The following MYLK variants were observed in gnomAD, a reference collection of about 807,000 sequenced individuals.
MYLK encodes myosin light chain kinase, smooth muscle.
MYLK carries 106 observed loss-of-function variants against 203.4 expected under a neutral mutation model. The observed-to-expected ratio is 0.52, with a 90% CI of 0.45 to 0.61. The LOEUF (loss-of-function observed/expected upper bound fraction) is 0.61, where lower values mean the gene tolerates loss of function less well. Ranked by LOEUF, MYLK falls within the 20% of genes least tolerant of loss-of-function variation. MYLK has a pLI of 0.00. For missense variants in MYLK, 2,072 were observed against 2,442.3 expected (o/e 0.85, Z 3.20); for synonymous variants, 867 against 959.5 (o/e 0.90, Z 1.78).
chr3:123,615,242 A>C (rs539238839), intron 33 of MYLK, among the ~76,000 whole-genome samples: 1 of 152,214 alleles, frequency 6.6e-6, no homozygotes, highest in African/African-American at 2.4e-5. Flanking sequence ...CAAAAAAATA[A>C]AAATTAAAAA....
chr3:123,647,441 G>A lies in MYLK; in HGVS notation c.4416-14C>T, dbSNP rs1392123047. ...CCAAATTTCCCACTGCAAATGAAAGGGGGAGGAGAGAAAAGCCACATTTAG... is the reference window on the plus strand; with the variant it reads ...CCAAATTTCCCACTGCAAATGAAAGAGGGAGGAGAGAAAAGCCACATTTAG... On this transcript the variant is annotated splice_polypyrimidine_tract_variant and intron_variant, in intron 26 of 33. Transcript: ENST00000360304. 18 of 1,612,840 alleles carry A rather than the reference G, an allele frequency of 1.1e-5. No individual in the cohort carries two copies. In the Middle Eastern group the frequency reaches 8.2e-4, roughly 74 times the overall value.
chr3:123,716,911 T>A (rs1270601062), intron 13 of MYLK, among the ~76,000 whole-genome samples: 1 of 152,228 alleles, frequency 6.6e-6, no homozygotes, highest in African/African-American at 2.4e-5. Flanking sequence ...AAAGAACCCA[T>A]GTGGTACACA....
intron 4 of MYLK, among the ~76,000 whole-genome samples, chr3:123,785,741 A>T (rs2064486473): frequency 6.6e-6 from 1 of 152,238 alleles, no homozygotes; most frequent in South Asian, 2.1e-4. Context: ...GGAAATGTTC[A>T]AGAATCTGTG....
chr3:123,759,297 G>A (rs374536990), intron 4 of MYLK, among the ~76,000 whole-genome samples: 5 of 152,214 alleles, frequency 3.3e-5, no homozygotes, highest in Middle Eastern at 3.4e-3. Flanking sequence ...AAACTTTGGG[G>A]TTCTGGCTGT....
intron 33 of MYLK, chr3:123,616,303 A>C (rs1027436155): frequency 6.6e-6 from 1 of 152,166 alleles, no homozygotes; most frequent in Non-Finnish European, 1.5e-5. Flanking sequence ...CATTAGTCAT[A>C]TCTCTGCAAA....
chr3:123,676,254 C>G (rs2060069259), intron 20 of MYLK, among the ~76,000 whole-genome samples: 1 of 152,154 alleles, frequency 6.6e-6, no homozygotes, highest in African/African-American at 2.4e-5. Context: ...CCTCCCAGAC[C>G]CACATTTTGG....
intron 2 of MYLK, among the ~76,000 whole-genome samples, chr3:123,836,882 A>G (rs908967927): frequency 6.6e-6 from 1 of 152,232 alleles, no homozygotes; most frequent in Non-Finnish European, 1.5e-5. Flanking sequence ...TATAAGACTA[A>G]TAACTATAAA....
intron 33 of MYLK, 101 bp from the exon 34 acceptor site, chr3:123,614,450 G>A (rs974037443): frequency 6.9e-7 from 1 of 1,447,412 alleles, no homozygotes; most frequent in Non-Finnish European, 9.5e-7. Flanking sequence ...GATTAAGGTG[G>A]TTAAGGAGAA....
chr3:123,865,351 G>C (rs1207023842), intron 2 of MYLK, among the ~76,000 whole-genome samples: 1 of 152,120 alleles, frequency 6.6e-6, no homozygotes, highest in Non-Finnish European at 1.5e-5. Context: ...TCTTCCACAG[G>C]AATCTATTCC....
At chr3:123,650,771 G>A (rs2059185408) in intron 24 of MYLK, among the ~76,000 whole-genome samples, 1 of 152,184 alleles carries the variant, frequency 6.6e-6, no homozygotes, top group Non-Finnish European at 1.5e-5. Flanking sequence ...TTCACAGGTG[G>A]AAAGGATGAC....
intron 28 of MYLK, among the ~76,000 whole-genome samples, chr3:123,639,989 A>G (rs2058774764): frequency 6.6e-6 from 1 of 152,128 alleles, no homozygotes; most frequent in South Asian, 2.1e-4. Flanking sequence ...TATACAGCTA[A>G]CACCTAAGCA....
rs1349303549 is a variant in MYLK at position 123,750,147 on chromosome 3, T to C, written c.373+2184A>G. Among the ~76,000 whole-genome samples the C allele has an allele frequency of 2.6e-5, 4 of 152,262 alleles. No homozygotes were observed. In the South Asian group the frequency reaches 6.2e-4, roughly 24 times the overall value. On this transcript the variant is annotated intron_variant, in intron 5 of 33. Coordinates refer to ENST00000360304, the MANE Select transcript of MYLK (RefSeq NM_053025.4). Reference sequence around the variant, plus strand: ...TCTTGCTGCAGAAGCAGAATGTGCATAGGACTCACACACATTTAAAGAGCT... The same window carrying C: ...TCTTGCTGCAGAAGCAGAATGTGCACAGGACTCACACACATTTAAAGAGCT...
At chr3:123,751,284 G>A (rs1052146360) in intron 5 of MYLK, among the ~76,000 whole-genome samples, 7 of 152,212 alleles carry the variant, frequency 4.6e-5, no homozygotes, top group Non-Finnish European at 8.8e-5. Context: ...TTCCAGTGGA[G>A]TGGCTTCAGC....
intron 3 of MYLK, among the ~76,000 whole-genome samples, chr3:123,816,194 T>C (rs1473701676): frequency 3.3e-5 from 5 of 152,244 alleles, no homozygotes; most frequent in Non-Finnish European, 2.9e-5. Flanking sequence ...CATATGTATG[T>C]ATGGCATATG....
intron 2 of MYLK, among the ~76,000 whole-genome samples, chr3:123,863,986 G>A (rs1045638886): frequency 4.6e-5 from 7 of 152,136 alleles, no homozygotes; most frequent in African/African-American, 1.7e-4. Flanking sequence ...GTAAACTGTG[G>A]TATAGCCATA....
At chr3:123,834,933 C>T (rs1485659624) in intron 2 of MYLK, among the ~76,000 whole-genome samples, 2 of 152,130 alleles carry the variant, frequency 1.3e-5, no homozygotes, top group Admixed American at 6.5e-5. Flanking sequence ...TGAGGCATAA[C>T]GAGCCTGAAG....
chr3:123,737,001 G>T (rs1191805043), intron 8 of MYLK, among the ~76,000 whole-genome samples: 1 of 152,112 alleles, frequency 6.6e-6, no homozygotes, highest in Non-Finnish European at 1.5e-5. Context: ...GGGAGGCCAA[G>T]GCAGGCAGAT....
chr3:123,647,813 A>G (rs2059074670), intron 26 of MYLK, among the ~76,000 whole-genome samples: 1 of 151,794 alleles, frequency 6.6e-6, no homozygotes, highest in African/African-American at 2.4e-5. Context: ...CGGCCTCCCA[A>G]AGTGCTGAGA....
At position 123,640,217 on chromosome 3, in the gene MYLK, C is replaced by T; in HGVS notation, c.4837+70G>A. 7.0e-7 allele frequency: 1 copy of T among 1,434,082 alleles called. No homozygotes were observed. The highest frequency in any genetic ancestry group is 1.8e-4 in the Middle Eastern group (1 of 5,696). The allele number at this position is 1,434,082 out of a possible 1,614,324, so 88.8% of individuals were successfully genotyped here. A position where few individuals can be genotyped will look rare whatever the true frequency, so the allele number is the denominator to read the frequency against. On this transcript the variant is annotated intron_variant, in intron 28 of 33. Coordinates refer to ENST00000360304, the MANE Select transcript of MYLK (RefSeq NM_053025.4). This position sits in a 1 kb window ranked among gnomAD's most constrained non-coding sequence, Gnocchi z 4.3. ...CCCCAATACTGTATGTTTCCTCTCACACTCAGTGTGAGAGGAAACGGCCAG... is the reference window on the plus strand; with the variant it reads ...CCCCAATACTGTATGTTTCCTCTCATACTCAGTGTGAGAGGAAACGGCCAG...
Sources: gnomAD v4.1 joint callset for allele counts (sites outside exome capture counted in the v4.1 genomes callset) on GRCh38, gnomAD v4.1.1 for gene constraint, Gnocchi (gnomAD v3.1) non-coding constraint, MANE v1.5 for transcripts, NCBI Gene and HGNC (gene_info 2026-07-23, HGNC 2026-07-21) for gene names.